Variants in SLCO1A2 observed in about 807,000 individuals in gnomAD.
The protein encoded by SLCO1A2 is OATP-1.
Under a neutral mutation model 69.0 loss-of-function variants are expected in SLCO1A2, and 67 were observed. The observed-to-expected ratio is 0.97, with a 90% confidence interval of 0.80 to 1.19. The LOEUF (loss-of-function observed/expected upper bound fraction) is 1.19, where lower values mean the gene tolerates loss of function less well. Ranked by LOEUF, SLCO1A2 falls within the 50% of genes most tolerant of loss-of-function variation. The pLI, the probability that SLCO1A2 is intolerant of heterozygous loss-of-function variation, is 0.00. For missense variants in SLCO1A2, 787 were observed against 793.7 expected (o/e 0.99, Z 0.10); for synonymous variants, 260 against 265.9 (o/e 0.98, Z 0.22).
intron 2 of SLCO1A2, among the ~76,000 whole-genome samples, chr12:21,364,923 C>T (rs7488533): frequency 0.094 from 14,298 of 152,228 alleles, 1,062 homozygotes; most frequent in East Asian, 0.4. Context: ...AAGAACATTT[C>T]ATGCTCGTGG....
chr12:21,327,575 T>C (rs1191309703), intron 2 of SLCO1A2, among the ~76,000 whole-genome samples: 1 of 152,172 alleles, frequency 6.6e-6, no homozygotes, highest in African/African-American at 2.4e-5. Context: ...CTTGCATCAG[T>C]GTGACCTGGA....
intron 12 of SLCO1A2, among the ~76,000 whole-genome samples, chr12:21,280,806 C>T (rs1432666425): frequency 6.6e-6 from 1 of 152,068 alleles, no homozygotes; most frequent in African/African-American, 2.4e-5. Flanking sequence ...GAATCCAGCA[C>T]ATGGATCATT....
At chr12:21,289,324 T>A (rs1164855911) in intron 12 of SLCO1A2, among the ~76,000 whole-genome samples, 1 of 152,012 alleles carries the variant, frequency 6.6e-6, no homozygotes, top group South Asian at 2.1e-4. Context: ...GTGATAGGAA[T>A]GTATTTTGTC....
Position 21,361,384 on chromosome 12 carries a change from A to G in SLCO1A2, c.-63+13015T>C, listed in dbSNP as rs1938865715. The stretch of plus-strand genomic sequence containing the variant: ...ACATCCACACCAAAACCCCATCTGT[A>G]GGTCACCATGATCAGAGACGAAATG... On this transcript the variant is annotated intron_variant, in intron 2 of 15. Coordinates refer to the SLCO1A2 transcript ENST00000307378. Among the ~76,000 whole-genome samples, 5 of 152,322 alleles carry G rather than the reference A, an allele frequency of 3.3e-5. No homozygotes were observed. The South Asian group carries it at 1.0e-3, about 32-fold the overall frequency.
rs1420406811 is a variant in SLCO1A2, at chr12:21,265,422, G to C, written c.*4126C>G. The stretch of plus-strand genomic sequence containing the variant: ...GCAGCTGGATGCATTGATGGCATAA[G>C]GCCAGAAAGTAGAAGGTGCTCACTG... On this transcript the variant is annotated 3_prime_UTR_variant, in exon 15 of 15. Transcript: ENST00000683939. The C allele has an allele frequency of 6.6e-6, 1 of 152,350 alleles. No homozygotes were observed. Among genetic ancestry groups the C allele is most frequent in the Non-Finnish European group, 1.5e-5 (1 of 68,180 alleles). The allele number at this position is 152,350 out of a possible 1,614,324, so 9.4% of individuals were successfully genotyped here. A position where few individuals can be genotyped will look rare whatever the true frequency, so the allele number is the denominator to read the frequency against.
chr12:21,356,095 A>C (rs1938341931), intron 2 of SLCO1A2, among the ~76,000 whole-genome samples: 1 of 152,136 alleles, frequency 6.6e-6, no homozygotes, highest in South Asian at 2.1e-4. Context: ...TTCAAGAATC[A>C]GAATAAATTT....
Position 21,265,920 on chromosome 12 carries a change from A to G in SLCO1A2, c.*3628T>C, listed in dbSNP as rs558760215. On this transcript the variant is annotated 3_prime_UTR_variant, in exon 15 of 15. Coordinates refer to ENST00000683939, the MANE Select transcript of SLCO1A2 (RefSeq NM_001386879.1). ...TAGAAATCATACTCTTTTAACATCT[A>G]CAACCTCTTCTACCAGGAGCTGTCT... The G allele has an allele frequency of 1.3e-5, 2 of 152,180 alleles. No homozygotes were observed. The highest frequency in any genetic ancestry group is 4.8e-5 in the African/African-American group (2 of 41,544). 9.4% of individuals were successfully genotyped at this position (152,180 alleles called of 1,614,324 possible).
At chr12:21,351,204 C>G (rs908892166) in intron 2 of SLCO1A2, among the ~76,000 whole-genome samples, 6 of 152,090 alleles carry the variant, frequency 3.9e-5, no homozygotes, top group Non-Finnish European at 7.4e-5. Flanking sequence ...TAGACAAATA[C>G]GTGACATGGC....
At chr12:21,303,423 T>G (rs530963285) in intron 6 of SLCO1A2, among the ~76,000 whole-genome samples, 223 of 152,290 alleles carry the variant, frequency 1.5e-3, no homozygotes, top group Non-Finnish European at 2.9e-3. Context: ...ATTAATGAGT[T>G]GCCAAAATGT....
chr12:21,386,324 A>T (rs1940876561), intron 1 of SLCO1A2, among the ~76,000 whole-genome samples: 1 of 152,194 alleles, frequency 6.6e-6, no homozygotes, highest in Non-Finnish European at 1.5e-5. Flanking sequence ...GAAATAATGT[A>T]TAAAAAGCCC....
chr12:21,391,602 AT>A (rs1470322910), intron 1 of SLCO1A2, among the ~76,000 whole-genome samples: 2 of 152,122 alleles, frequency 1.3e-5, no homozygotes, highest in African/African-American at 2.4e-5. Context: ...AACAAATGGG[AT>A]TTATGTGGTG....
upstream of SLCO1A2, among the ~76,000 whole-genome samples, chr12:21,396,749 A>G (rs1941478639): frequency 6.6e-6 from 1 of 152,226 alleles, no homozygotes. Flanking sequence ...TTTTCAACCC[A>G]GAATTTCATA....
At chr12:21,378,161 G>A (rs1276427869) in intron 1 of SLCO1A2, 2 of 1,314,436 alleles carry the variant, frequency 1.5e-6, no homozygotes, top group East Asian at 2.3e-5. Flanking sequence ...ATCAATACAA[G>A]ATATTTGATG....
intron 1 of SLCO1A2, among the ~76,000 whole-genome samples, chr12:21,406,035 A>G (rs146354613): frequency 1.1e-3 from 173 of 152,342 alleles, no homozygotes; most frequent in Non-Finnish European, 1.9e-3. Context: ...GTTATAAGCA[A>G]AAGAGTCTAA....
intron 2 of SLCO1A2, among the ~76,000 whole-genome samples, chr12:21,325,314 G>A (rs1238219189): frequency 1.3e-5 from 2 of 151,550 alleles, no homozygotes; most frequent in African/African-American, 4.9e-5. Context: ...ATATTTAGGT[G>A]AAGAAGTTAA....
intron 12 of SLCO1A2, among the ~76,000 whole-genome samples, chr12:21,290,865 TAAAA>T (rs1258996022): frequency 6.6e-6 from 1 of 152,082 alleles, no homozygotes; most frequent in African/African-American, 2.4e-5. Context: ...CTGTAAAAGT[TAAAA>T]GAAAGAAGAC....
Position 21,264,677 on chromosome 12 carries a change from A to G in SLCO1A2, c.*4871T>C, listed in dbSNP as rs948484909. The G allele has an allele frequency of 6.6e-6, 1 of 151,710 alleles. No individual in the cohort carries two copies. The highest frequency in any genetic ancestry group is 1.5e-5 in the Non-Finnish European group (1 of 68,008). The allele number at this position is 151,710 out of a possible 1,614,324, so 9.4% of individuals were successfully genotyped here. ...ACATCATTCCTTAAATATAAAAGCA[A>G]TCTTACAGGATTATGCAATAGTGTC... On this transcript the variant is annotated 3_prime_UTR_variant, in exon 15 of 15. Coordinates refer to ENST00000683939, the MANE Select transcript of SLCO1A2 (RefSeq NM_001386879.1).
Position 21,319,403 on chromosome 12 carries a change from T to G in SLCO1A2, c.61-480A>C, listed in dbSNP as rs750633833. 4 of 1,367,838 alleles carry G rather than the reference T, an allele frequency of 2.9e-6. No homozygotes were observed. In the African/African-American group the frequency reaches 4.4e-5, roughly 15 times the overall value. The allele number at this position is 1,367,838 out of a possible 1,614,324, so 84.7% of individuals were successfully genotyped here. A position where few individuals can be genotyped will look rare whatever the true frequency, so the allele number is the denominator to read the frequency against. ...CGACTCCACTCTTTCCTGTTCTTGCTTGCAATTCTTGGTCAGAAACATTCT... is the reference window on the plus strand; with the variant it reads ...CGACTCCACTCTTTCCTGTTCTTGCGTGCAATTCTTGGTCAGAAACATTCT... On this transcript the variant is annotated intron_variant, in intron 2 of 14. Transcript: ENST00000683939.
At chr12:21,345,766 T>C (rs1953232588) in intron 2 of SLCO1A2, among the ~76,000 whole-genome samples, 3 of 152,138 alleles carry the variant, frequency 2.0e-5, no homozygotes, top group Admixed American at 2.0e-4. Flanking sequence ...AGTGACAAAC[T>C]TGCCAAATTC....
Sources: allele counts gnomAD v4.1 joint callset (sites outside exome capture counted in the v4.1 genomes callset), GRCh38; gene constraint gnomAD v4.1.1; transcripts MANE v1.5; gene names NCBI Gene and HGNC (gene_info 2026-07-23, HGNC 2026-07-21).